The following EYA4 variants were observed in gnomAD, a reference collection of about 807,000 sequenced individuals.
EYA4 encodes the protein protein phosphatase EYA4.
EYA4 carries 31 observed loss-of-function variants against 87.9 expected under a neutral mutation model. The observed-to-expected ratio is 0.35, with a 90% CI of 0.27 to 0.48. The LOEUF is 0.48. Among genes scored for constraint, EYA4 ranks in the 20% least tolerant of loss-of-function variants. EYA4 has a pLI of 0.99. For missense variants in EYA4, 678 were observed against 761.4 expected, an observed-to-expected ratio of 0.89 and a Z score of 1.29; for synonymous variants, 263 against 270.6, an observed-to-expected ratio of 0.97 and a Z score of 0.28.
At chr6:133,524,563 T>A (rs1057052897) in intron 18 of EYA4, among the ~76,000 whole-genome samples, 4 of 152,192 alleles carry the variant, frequency 2.6e-5, no homozygotes, top group African/African-American at 9.6e-5. Context: ...GCAGGCTAAC[T>A]CTCACCCACT....
chr6:133,410,633 T>TTTTTTTTTTTTTTTTTTTTTTTG (rs1554252061), intron 3 of EYA4, among the ~76,000 whole-genome samples: 2 of 148,720 alleles, frequency 1.3e-5, no homozygotes. Flanking sequence ...ACTAAGGTCT[T>TTTTTTTTTTTTTTTTTTTTTTTG]AATTCCTTCT....
At position 133,400,401 on chromosome 6, in the gene EYA4, C is replaced by T. The variant is rs548957955; in HGVS notation, c.83+17960C>T. Among the ~76,000 whole-genome samples, 28 of 151,366 alleles carry T rather than the reference C, an allele frequency of 1.8e-4. No homozygotes were observed. The South Asian group carries it at 2.7e-3, about 15-fold the overall frequency. The stretch of plus-strand genomic sequence containing the variant: ...CGCACGCCTGTAATCCCAGCTACTC[C>T]GGAGGATGAGGCAAGAGAATTGCTT... On this transcript the variant is annotated intron_variant, in intron 3 of 19. Coordinates refer to ENST00000355286, the MANE Select transcript of EYA4 (RefSeq NM_004100.5).
chr6:133,428,876 C>G (rs1461463984), intron 3 of EYA4, among the ~76,000 whole-genome samples: 2 of 144,296 alleles, frequency 1.4e-5, no homozygotes, highest in Non-Finnish European at 3.0e-5. Flanking sequence ...AAGAATTAGG[C>G]CTCCATCTTC....
chr6:133,481,301 CA>C (rs745631623), intron 11 of EYA4, among the ~76,000 whole-genome samples, 161 bp from the exon 12 acceptor site: 29 of 152,228 alleles, frequency 1.9e-4, no homozygotes, highest in Non-Finnish European at 4.0e-4. Context: ...GTGTAAACTA[CA>C]AAAGTTCTGA....
intron 2 of EYA4, among the ~76,000 whole-genome samples, chr6:133,282,251 C>G (rs1226532717): frequency 6.6e-6 from 1 of 152,138 alleles, no homozygotes; most frequent in Non-Finnish European, 1.5e-5. Context: ...TTGCCAACAT[C>G]TGTTATGTTT....
intron 2 of EYA4, among the ~76,000 whole-genome samples, chr6:133,362,026 G>A (rs540101686): frequency 6.6e-6 from 1 of 152,310 alleles, no homozygotes; most frequent in African/African-American, 2.4e-5. Context: ...TGGCATACAA[G>A]GAAGGAAATT....
At chr6:133,359,766 T>C (rs1312008986) in intron 2 of EYA4, among the ~76,000 whole-genome samples, 1 of 152,214 alleles carries the variant, frequency 6.6e-6, no homozygotes, top group Non-Finnish European at 1.5e-5. Flanking sequence ...GAGCCACTCT[T>C]ATCCCATTCT....
intron 2 of EYA4, among the ~76,000 whole-genome samples, chr6:133,325,023 G>C (rs1582960813): frequency 7.0e-6 from 1 of 143,512 alleles, no homozygotes; most frequent in East Asian, 2.1e-4. Flanking sequence ...CCATTTTCCT[G>C]TCTCAGCTTC....
chr6:133,245,412 T>TTC (rs1774325721), intron 1 of EYA4, among the ~76,000 whole-genome samples: 1 of 152,224 alleles, frequency 6.6e-6, no homozygotes, highest in African/African-American at 2.4e-5. Flanking sequence ...AAATGGATAT[T>TTC]ATTCTTACAT....
chr6:133,291,758 C>A (rs1778506010), intron 2 of EYA4, among the ~76,000 whole-genome samples: 1 of 152,158 alleles, frequency 6.6e-6, no homozygotes, highest in Non-Finnish European at 1.5e-5. Flanking sequence ...TAAAAGTGGT[C>A]ACCTCAGCTC....
chr6:133,437,840 T>C (rs562007763), intron 3 of EYA4, among the ~76,000 whole-genome samples: 75 of 152,310 alleles, frequency 4.9e-4, no homozygotes, highest in African/African-American at 1.6e-3. Flanking sequence ...AGACCGCCCC[T>C]ATGACTTGAT....
At chr6:133,373,573 A>T (rs2128467064) in intron 2 of EYA4, among the ~76,000 whole-genome samples, 1 of 152,154 alleles carries the variant, frequency 6.6e-6, no homozygotes, top group East Asian at 1.9e-4. Context: ...GCTGCAGAAG[A>T]TTCTACCAAA....
chr6:133,287,580 C>T (rs1398222690), intron 2 of EYA4, among the ~76,000 whole-genome samples: 12 of 152,116 alleles, frequency 7.9e-5, no homozygotes, highest in African/African-American at 2.7e-4. Flanking sequence ...GAGATGTTTT[C>T]GTGTTCTTGG....
chr6:133,428,993 C>T (rs370046471), intron 3 of EYA4, among the ~76,000 whole-genome samples: 12 of 117,980 alleles, frequency 1.0e-4, no homozygotes, highest in African/African-American at 3.2e-4. Flanking sequence ...GTGGCATGAT[C>T]TCGGCTCACT....
intron 13 of EYA4, among the ~76,000 whole-genome samples, chr6:133,493,981 G>A (rs930881530): frequency 6.6e-6 from 1 of 152,184 alleles, no homozygotes; most frequent in African/African-American, 2.4e-5. Context: ...TTGTGGGAAT[G>A]TAAATTAGTA....
At chr6:133,393,287 C>T (rs1371946546) in intron 3 of EYA4, among the ~76,000 whole-genome samples, 1 of 152,082 alleles carries the variant, frequency 6.6e-6, no homozygotes, top group Non-Finnish European at 1.5e-5. Flanking sequence ...TGCTTATTCT[C>T]CCCCTTAAAG....
chr6:133,282,066 T>C (rs1280539079), intron 2 of EYA4, among the ~76,000 whole-genome samples: 1 of 152,154 alleles, frequency 6.6e-6, no homozygotes, highest in Non-Finnish European at 1.5e-5. Context: ...GTGAATAATG[T>C]CTTTCTGATA....
rs576022477 is a variant in EYA4 at position 133,425,951 on chromosome 6, A to G, written c.84-20679A>G. On this transcript the variant is annotated intron_variant, in intron 3 of 19. Transcript: ENST00000355286. ...TCTCCCTGACCTCTATCATGCAGAA[A>G]TATTTAACTGCTTGCAGGAACGTGA... Among the ~76,000 whole-genome samples, 74 of 151,034 alleles carry G rather than the reference A, an allele frequency of 4.9e-4. 3 individuals are homozygous for G. The South Asian group carries it at 0.016, about 32-fold the overall frequency.
chr6:133,443,232 A>T (rs1200395538), intron 3 of EYA4, among the ~76,000 whole-genome samples: 2 of 151,962 alleles, frequency 1.3e-5, no homozygotes, highest in South Asian at 4.1e-4. Context: ...GTAGCAAAAA[A>T]AGTTTGCTAG....
Sources: gnomAD v4.1 joint callset for allele counts (sites outside exome capture counted in the v4.1 genomes callset) on GRCh38, gnomAD v4.1.1 for gene constraint, MANE v1.5 for transcripts, NCBI Gene and HGNC (gene_info 2026-07-23, HGNC 2026-07-21) for gene names.